Variants in ADGRB3 observed in about 807,000 individuals in gnomAD.
The protein encoded by ADGRB3 is brain-specific angiogenesis inhibitor 3.
A neutral mutation model predicts 193.4 loss-of-function variants in ADGRB3; 37 were observed. That is an observed-to-expected ratio of 0.19 (90% CI 0.15 to 0.25). ADGRB3 has a LOEUF of 0.25. ADGRB3 is among the 10% of genes least tolerant of loss of function. The pLI is 1.00. For missense variants in ADGRB3, 1,637 were observed against 1,852.9 expected, an observed-to-expected ratio of 0.88 and a Z score of 2.14; for synonymous variants, 690 against 644.2, an observed-to-expected ratio of 1.07 and a Z score of -1.08.
In ADGRB3 at chr6:68,807,235, C is replaced by CTTTTTTT. The variant is rs771342538; in HGVS notation, c.758-123310_758-123304dup. Among the ~76,000 whole-genome samples the CTTTTTTT allele has an allele frequency of 7.0e-3, 699 of 100,136 alleles. 3 individuals are homozygous for CTTTTTTT. The highest frequency in any genetic ancestry group is 9.7e-3 in the Non-Finnish European group (505 of 51,832). 65.7% of individuals were successfully genotyped at this position (100,136 alleles called of 152,430 possible). A position where few individuals can be genotyped will look rare whatever the true frequency, so the allele number is the denominator to read the frequency against. On this transcript the variant is annotated intron_variant, in intron 3 of 31. Transcript: ENST00000370598. ...TTTTTCTTTTTCTTTTTTCTTTTTT[C>CTTTTTTT]TTTTTTTTTTTTTTTTTTTTGAGAC...
At chr6:69,346,145 A>G (rs147210901) in intron 26 of ADGRB3, among the ~76,000 whole-genome samples, 2,333 of 152,352 alleles carry the variant, frequency 0.015, 29 homozygotes, top group South Asian at 0.03. Context: ...AGGAAGAATC[A>G]ATATCATGAA....
Position 69,206,456 on chromosome 6 carries a change from C to T in ADGRB3, c.2481-26834C>T, listed in dbSNP as rs186065429. On this transcript the variant is annotated intron_variant, in intron 17 of 31. Transcript: ENST00000370598. ...AGTCAAATTGACACTCAGTATTAAC[C>T]ATCACAAGTCCACCCTTTGTCAACT... Among the ~76,000 whole-genome samples the T allele has an allele frequency of 2.6e-3, 403 of 152,106 alleles. 1 individual carries two copies. The highest frequency in any genetic ancestry group is 5.9e-3 in the Admixed American group (90 of 15,280).
At chr6:69,021,816 A>G (rs779924738) in intron 13 of ADGRB3, among the ~76,000 whole-genome samples, 4 of 151,876 alleles carry the variant, frequency 2.6e-5, no homozygotes, top group African/African-American at 4.8e-5. Flanking sequence ...CTCCCTGTCT[A>G]TATTGGCTTT....
chr6:69,332,265 G>A (rs1227912866), intron 23 of ADGRB3: 1 of 985,228 alleles, frequency 1.0e-6, no homozygotes, highest in Non-Finnish European at 1.2e-6. Context: ...CCTTTTAAGT[G>A]AGAATAAGAA....
intron 13 of ADGRB3, among the ~76,000 whole-genome samples, chr6:69,029,455 T>G (rs926456395): frequency 2.0e-5 from 3 of 152,216 alleles, no homozygotes; most frequent in African/African-American, 7.2e-5. Context: ...CTAAGGCACA[T>G]AATTTCTTTT....
chr6:68,865,793 C>G (rs1765280270), intron 3 of ADGRB3, among the ~76,000 whole-genome samples: 1 of 152,132 alleles, frequency 6.6e-6, no homozygotes, highest in African/African-American at 2.4e-5. Flanking sequence ...CTGCAATTCC[C>G]TTTTTGCTCA....
chr6:69,306,474 T>G (rs1310976715), intron 20 of ADGRB3, among the ~76,000 whole-genome samples: 4 of 151,386 alleles, frequency 2.6e-5, no homozygotes, highest in Non-Finnish European at 5.9e-5. Context: ...CTAGGCACAA[T>G]AACACATAGA....
intron 3 of ADGRB3, among the ~76,000 whole-genome samples, chr6:68,687,412 T>A (rs1190497954): frequency 1.3e-5 from 2 of 152,164 alleles, no homozygotes; most frequent in African/African-American, 4.8e-5. Flanking sequence ...CAAAATAAGC[T>A]TATAATAATT....
intron 3 of ADGRB3, among the ~76,000 whole-genome samples, chr6:68,771,079 G>A (rs549948468): frequency 2.6e-5 from 4 of 152,066 alleles, no homozygotes; most frequent in South Asian, 4.2e-4. Flanking sequence ...TTCTCTCACC[G>A]AAATCAAATG....
chr6:68,747,993 C>T (rs1350417102), intron 3 of ADGRB3, among the ~76,000 whole-genome samples: 2 of 152,040 alleles, frequency 1.3e-5, no homozygotes, highest in Non-Finnish European at 2.9e-5. Flanking sequence ...AAGTGGAAAC[C>T]CAGATAAACA....
intron 30 of ADGRB3, among the ~76,000 whole-genome samples, chr6:69,379,061 A>G (rs904755189): frequency 1.1e-4 from 17 of 152,056 alleles, no homozygotes; most frequent in African/African-American, 3.6e-4. Context: ...GGGGATTCAT[A>G]TACAGCTTCA....
At chr6:68,856,212 C>T (rs1480517313) in intron 3 of ADGRB3, among the ~76,000 whole-genome samples, 3 of 152,122 alleles carry the variant, frequency 2.0e-5, no homozygotes, top group Non-Finnish European at 4.4e-5. Flanking sequence ...ATGTCTTTAT[C>T]AGCAGTGTGA....
intron 28 of ADGRB3, among the ~76,000 whole-genome samples, chr6:69,356,398 G>A (rs1769338222): frequency 6.6e-6 from 1 of 152,098 alleles, no homozygotes; most frequent in African/African-American, 2.4e-5. Context: ...TAGCATTCAA[G>A]ATGGAGTCAC....
Position 69,048,798 on chromosome 6 carries a change from G to A in ADGRB3, c.2257+464G>A, listed in dbSNP as rs766111927. Among the ~76,000 whole-genome samples, 35 of 152,204 alleles carry A rather than the reference G, an allele frequency of 2.3e-4. No homozygotes were observed. The Middle Eastern group carries it at 0.01, about 44-fold the overall frequency. Reference sequence around the variant, plus strand: ...AGTACAACAAGCCCCCACGACACAAGTTTACCTGTGTAACAAACCGGCACA... The same window carrying A: ...AGTACAACAAGCCCCCACGACACAAATTTACCTGTGTAACAAACCGGCACA... On this transcript the variant is annotated intron_variant, in intron 14 of 31. Transcript: ENST00000370598.
At chr6:69,087,190 C>A (rs1428002196) in intron 17 of ADGRB3, among the ~76,000 whole-genome samples, 1 of 152,126 alleles carries the variant, frequency 6.6e-6, no homozygotes, top group East Asian at 1.9e-4. Flanking sequence ...TATTTTCTTT[C>A]ATTGTTGTGA....
chr6:68,841,363 T>A (rs918440840), intron 3 of ADGRB3, among the ~76,000 whole-genome samples: 3 of 152,070 alleles, frequency 2.0e-5, no homozygotes, highest in Non-Finnish European at 4.4e-5. Flanking sequence ...ACAAAACAAG[T>A]CTGGAGACAT....
intron 3 of ADGRB3, among the ~76,000 whole-genome samples, chr6:68,804,469 C>T (rs535161842): frequency 6.6e-6 from 1 of 152,096 alleles, no homozygotes; most frequent in Non-Finnish European, 1.5e-5. Context: ...TTTAAAAATT[C>T]TCTATTTCTT....
intron 3 of ADGRB3, among the ~76,000 whole-genome samples, chr6:68,782,942 T>C (rs1028631776): frequency 1.3e-5 from 2 of 151,954 alleles, no homozygotes; most frequent in African/African-American, 4.8e-5. Context: ...TGAAATGAGA[T>C]GAAATGAACG....
chr6:68,988,815 T>G (rs1769151873), intron 10 of ADGRB3, among the ~76,000 whole-genome samples: 1 of 152,074 alleles, frequency 6.6e-6, no homozygotes, highest in South Asian at 2.1e-4. Context: ...TCTAGCCTCA[T>G]GAAGTAGAAA....
Sources: gnomAD v4.1 joint callset for allele counts (sites outside exome capture counted in the v4.1 genomes callset) on GRCh38, gnomAD v4.1.1 for gene constraint, MANE v1.5 for transcripts, NCBI Gene and HGNC (gene_info 2026-07-23, HGNC 2026-07-21) for gene names.